Variants in CAPN5 observed in about 807,000 individuals in gnomAD.
The protein encoded by CAPN5 is calpain-5.
A neutral mutation model predicts 73.0 loss-of-function variants in CAPN5; 54 were observed. That is an observed-to-expected ratio of 0.74 (90% CI 0.59 to 0.93). The LOEUF is 0.93. Ranked by LOEUF, CAPN5 falls within the 40% of genes least tolerant of loss-of-function variation. CAPN5 has a pLI of 0.00. For synonymous variants in CAPN5, 335 were observed against 356.9 expected, an observed-to-expected ratio of 0.94 and a Z score of 0.69; for missense variants, 785 against 882.9, an observed-to-expected ratio of 0.89 and a Z score of 1.41.
chr11:77,090,416 G>C (rs547177126), intron 2 of CAPN5, among the ~76,000 whole-genome samples: 1 of 152,300 alleles, frequency 6.6e-6, no homozygotes, highest in East Asian at 1.9e-4. Flanking sequence ...CCTGATCTGG[G>C]GCCCAGATCT....
At chr11:77,118,023 T>C in intron 7 of CAPN5, 134 bp from the exon 8 acceptor site, 1 of 731,426 alleles carries the variant, frequency 1.4e-6, no homozygotes, top group Non-Finnish European at 2.3e-6. Context: ...TTGTGTGGGC[T>C]TAGCTCCCCT....
At position 77,115,524 on chromosome 11, in the gene CAPN5, T is replaced by G; in HGVS notation, c.829T>G (p.Leu277Val). 1 of 1,613,196 alleles carries G rather than the reference T, an allele frequency of 6.2e-7. No individual in the cohort carries two copies. The highest frequency in any genetic ancestry group is 8.5e-7 in the Non-Finnish European group (1 of 1,179,964). Residue 277 changes from leucine to valine, a missense_variant, in exon 6 of 13, where the codon TTG becomes GTG. Coordinates refer to ENST00000648180, the MANE Select transcript of CAPN5 (RefSeq NM_004055.5). ...GLLAFFKSEK[L>V]DMIRLRNPWG... The stretch of plus-strand genomic sequence containing the variant: ...ACTGGCCTTCTTCAAGTCAGAGAAG[T>G]TGGACATGATCCGCCTGCGCAACCC...
At chr11:77,083,109 G>A (rs1405069759) in intron 1 of CAPN5, among the ~76,000 whole-genome samples, 1 of 151,956 alleles carries the variant, frequency 6.6e-6, no homozygotes, top group Non-Finnish European at 1.5e-5. Flanking sequence ...GGCCTCCGTG[G>A]GCAGAGGGGC....
chr11:77,090,354 T>C lies in CAPN5; in HGVS notation c.166-3328T>C, dbSNP rs530792769. Among the ~76,000 whole-genome samples, 4 of 152,310 alleles carry C rather than the reference T, an allele frequency of 2.6e-5. No individual in the cohort carries two copies. The South Asian group carries it at 8.3e-4, about 32-fold the overall frequency. ...GGTGATGGAATCTGGGAATCGTGAC[T>C]CCCAAGCTCGGTCTGTCTCTCAAGG... On this transcript the variant is annotated intron_variant, in intron 2 of 12. Transcript: ENST00000648180.
intron 3 of CAPN5, among the ~76,000 whole-genome samples, chr11:77,111,542 C>T (rs532982658): frequency 2.0e-5 from 3 of 152,232 alleles, no homozygotes; most frequent in African/African-American, 7.2e-5. Flanking sequence ...TTCCCAGATG[C>T]GTCATAAGTA....
At position 77,100,451 on chromosome 11, in the gene CAPN5, C is replaced by T. The variant is rs968509514; in HGVS notation, c.297+6638C>T. Among the ~76,000 whole-genome samples the T allele has an allele frequency of 7.9e-5, 12 of 152,160 alleles. No homozygotes were observed. The East Asian group carries it at 1.7e-3, about 22-fold the overall frequency. ...GCCCAGTCTGTGAGACTCAAGCTCC[C>T]GTCACAACTGCCCCCCACCTTCGGC... On this transcript the variant is annotated intron_variant, in intron 3 of 12. Transcript: ENST00000648180.
At chr11:77,112,926 A>T in intron 4 of CAPN5, 129 bp downstream of exon 4, 1 of 865,850 alleles carries the variant, frequency 1.2e-6, no homozygotes, top group Non-Finnish European at 1.8e-6. Context: ...GGCACGCAGC[A>T]GGCTCAACCG....
rs782277064 is a variant in CAPN5 at position 77,103,305 on chromosome 11, G to A, written c.298-9284G>A. The A allele has an allele frequency of 1.9e-6, 3 of 1,610,890 alleles. No individual in the cohort carries two copies. The East Asian group carries it at 6.7e-5, about 36-fold the overall frequency. On this transcript the variant is annotated intron_variant, in intron 3 of 12. Coordinates refer to ENST00000648180, the MANE Select transcript of CAPN5 (RefSeq NM_004055.5). Reference sequence around the variant, plus strand: ...GGGTGTGGAGCCCGCCAACCTCAAGGCCTCCGTGGTTTTTAACCAGCTCTG... The same window carrying A: ...GGGTGTGGAGCCCGCCAACCTCAAGACCTCCGTGGTTTTTAACCAGCTCTG...
chr11:77,078,641 A>C (rs1284223094), intron 1 of CAPN5, among the ~76,000 whole-genome samples: 1 of 152,176 alleles, frequency 6.6e-6, no homozygotes, highest in African/African-American at 2.4e-5. Flanking sequence ...TTGAATCTGT[A>C]GATTGTTTTG....
Position 77,113,039 on chromosome 11 carries a change from A to C in CAPN5, c.506+242A>C, listed in dbSNP as rs1591142835. ...GTTACTCCCATTTTAGGGGGAGAAG[A>C]CTGAGGCCCAGGCAACATCCTGTAG... On this transcript the variant is annotated intron_variant, in intron 4 of 12. Transcript: ENST00000648180. The C allele has an allele frequency of 6.9e-6, 4 of 580,198 alleles. No homozygotes were observed. The East Asian group carries it at 1.2e-4, about 17-fold the overall frequency. The allele number at this position is 580,198 out of a possible 1,614,324, so 35.9% of individuals were successfully genotyped here.
At chr11:77,071,550 G>A in intron 1 of CAPN5, 2 of 430,798 alleles carry the variant, frequency 4.6e-6, no homozygotes, top group South Asian at 3.1e-5. Flanking sequence ...GTCCTGTCTG[G>A]TATGTGGGGT....
intron 1 of CAPN5, among the ~76,000 whole-genome samples, chr11:77,069,058 C>T (rs911087085): frequency 6.6e-6 from 1 of 152,186 alleles, no homozygotes; most frequent in Admixed American, 6.5e-5. Context: ...AGGCCTCCTG[C>T]GCCCTCAGTG....
At chr11:77,087,908 A>G in intron 2 of CAPN5, 1 of 1,535,514 alleles carries the variant, frequency 6.5e-7, no homozygotes, top group Non-Finnish European at 8.7e-7. Context: ...CACACCCTTC[A>G]CCCACAGGCT....
At chr11:77,068,180 G>T (rs533469454) in intron 1 of CAPN5, among the ~76,000 whole-genome samples, 43 of 152,174 alleles carry the variant, frequency 2.8e-4, no homozygotes, top group Non-Finnish European at 4.3e-4. Context: ...GCTGGTCCTT[G>T]CTCCTGTCCC....
intron 2 of CAPN5, among the ~76,000 whole-genome samples, chr11:77,086,575 C>T (rs893818094): frequency 1.3e-5 from 2 of 152,244 alleles, no homozygotes; most frequent in African/African-American, 4.8e-5. Flanking sequence ...AGAGTTCTGC[C>T]TCTTGGGCCC....
At chr11:77,086,830 G>A (rs1179886068) in intron 2 of CAPN5, among the ~76,000 whole-genome samples, 1 of 152,248 alleles carries the variant, frequency 6.6e-6, no homozygotes, top group Non-Finnish European at 1.5e-5. Flanking sequence ...AGCAGGCTGG[G>A]CTTGCTGCGG....
chr11:77,085,009 T>C lies in CAPN5; in HGVS notation c.123T>C (p.Tyr41=), dbSNP rs782250048. Residue 41 remains tyrosine (Y), a synonymous_variant, in exon 2 of 13, where the codon TAT becomes TAC. Transcript: ENST00000648180. ...LFPATDDSLY[Y]KGTPGPAVRW... ...CCGCCACTGACGACTCACTCTACTA[T>C]AAGGGCACGCCGGGGCCCGCCGTCA... 4 of 1,613,672 alleles carry C rather than the reference T, an allele frequency of 2.5e-6. No homozygotes were observed. In the Admixed American group the frequency reaches 6.7e-5, roughly 27 times the overall value.
chr11:77,109,034 C>T (rs927731236), intron 3 of CAPN5, among the ~76,000 whole-genome samples: 12 of 152,164 alleles, frequency 7.9e-5, no homozygotes, highest in Non-Finnish European at 1.8e-4. Context: ...CTGTCCCCTG[C>T]GTTTCTGTAA....
At chr11:77,114,456 G>T (rs782016068) in intron 5 of CAPN5, 22 bp downstream of exon 5, 3 of 1,606,222 alleles carry the variant, frequency 1.9e-6, no homozygotes, top group Non-Finnish European at 2.6e-6. Flanking sequence ...GCAGTCCCCA[G>T]AGGCGACCCC....
Sources: gnomAD v4.1 joint callset for allele counts (sites outside exome capture counted in the v4.1 genomes callset) on GRCh38, gnomAD v4.1.1 for gene constraint, MANE v1.5 for transcripts, NCBI Gene and HGNC (gene_info 2026-07-23, HGNC 2026-07-21) for gene names.